The following ASTN1 variants were observed in gnomAD, a reference collection of about 807,000 sequenced individuals.
ASTN1 encodes astrotactin-1.
ASTN1 carries 41 observed loss-of-function variants against 140.7 expected under a neutral mutation model. The ratio of observed to expected loss-of-function variants is 0.29; its 90% CI spans 0.23 to 0.38. The LOEUF is 0.38. ASTN1 is among the 10% of genes least tolerant of loss of function. ASTN1 has a pLI of 1.00. For missense variants in ASTN1, 1,479 were observed against 1,678.8 expected (o/e 0.88, Z 2.08); for synonymous variants, 640 against 652.2 (o/e 0.98, Z 0.29).
At chr1:177,024,837 C>CA in intron 5 of ASTN1, 105 bp from the exon 6 acceptor site, 1 of 1,277,158 alleles carries the variant, frequency 7.8e-7, no homozygotes, top group East Asian at 2.5e-5. Context: ...AGACAGTTGG[C>CA]AAAACTAGCC....
At chr1:177,083,794 T>C (rs1571758395) in intron 1 of ASTN1, among the ~76,000 whole-genome samples, 1 of 152,108 alleles carries the variant, frequency 6.6e-6, no homozygotes, top group Admixed American at 6.5e-5. Context: ...ATCAAAATTA[T>C]AGATTAAATA....
intron 8 of ASTN1, 85 bp from the exon 9 acceptor site, chr1:176,965,322 G>GTCTACCACCTAGCACT: frequency 1.5e-6 from 2 of 1,367,012 alleles, no homozygotes; most frequent in Non-Finnish European, 2.1e-6. Flanking sequence ...AGTGCTAGGT[G>GTCTACCACCTAGCACT]GTAGACACCC....
chr1:177,043,982 G>A (rs1677094275), intron 2 of ASTN1, among the ~76,000 whole-genome samples: 1 of 151,976 alleles, frequency 6.6e-6, no homozygotes, highest in African/African-American at 2.4e-5. Flanking sequence ...CACAAAATCT[G>A]AAGAAGAGGC....
At chr1:177,142,712 A>G (rs1038611633) in intron 1 of ASTN1, among the ~76,000 whole-genome samples, 2 of 152,200 alleles carry the variant, frequency 1.3e-5, no homozygotes, top group Non-Finnish European at 2.9e-5. Context: ...AACTTCCAAA[A>G]GCATATCCTG....
At position 176,861,243 on chromosome 1, in the gene ASTN1, A is replaced by C. The variant is rs954183929; in HGVS notation, c.*3041T>G. On this transcript the variant is annotated 3_prime_UTR_variant, in exon 23 of 23. Transcript: ENST00000361833. ...CTCAGTTTTTTTAATAGAACATTTG[A>C]ATATCAAGAAGTGTAGTTAACTAAA... 3.1e-6 allele frequency: 3 copies of C among 982,582 alleles called. No individual in the cohort carries two copies. The African/African-American group carries it at 5.3e-5, about 17-fold the overall frequency. The allele number at this position is 982,582 out of a possible 1,614,324, so 60.9% of individuals were successfully genotyped here. A position where few individuals can be genotyped will look rare whatever the true frequency, so the allele number is the denominator to read the frequency against.
At chr1:176,965,413 G>T (rs546882864) in intron 8 of ASTN1, among the ~76,000 whole-genome samples, 176 bp from the exon 9 acceptor site, 1 of 152,258 alleles carries the variant, frequency 6.6e-6, no homozygotes, top group East Asian at 1.9e-4. Flanking sequence ...GGGACCTGAC[G>T]AAGAACACGA....
chr1:177,042,056 T>C (rs1400336900), intron 2 of ASTN1, among the ~76,000 whole-genome samples: 1 of 152,232 alleles, frequency 6.6e-6, no homozygotes, highest in East Asian at 1.9e-4. Context: ...TTCTCTGAAT[T>C]TGGCACATAT....
At chr1:176,978,716 C>T (rs117083859) in intron 8 of ASTN1, among the ~76,000 whole-genome samples, 120 of 152,078 alleles carry the variant, frequency 7.9e-4, no homozygotes, top group African/African-American at 2.7e-3. Flanking sequence ...GCAAGGTGTG[C>T]GGCAGGTAGC....
intron 1 of ASTN1, among the ~76,000 whole-genome samples, chr1:177,122,593 C>A (rs1373961184): frequency 6.6e-6 from 1 of 152,194 alleles, no homozygotes; most frequent in Non-Finnish European, 1.5e-5. Flanking sequence ...CAGACTCCTG[C>A]TCACAAGACT....
chr1:177,007,274 C>T (rs1346292906), intron 8 of ASTN1, among the ~76,000 whole-genome samples: 2 of 152,132 alleles, frequency 1.3e-5, no homozygotes, highest in African/African-American at 4.8e-5. Context: ...ATGCCTTAAT[C>T]TCAGCTACTC....
intron 1 of ASTN1, among the ~76,000 whole-genome samples, chr1:177,120,225 G>A (rs939326513): frequency 3.3e-5 from 5 of 152,186 alleles, no homozygotes; most frequent in African/African-American, 1.2e-4. Flanking sequence ...CAAACGCTGA[G>A]CTGCAACAAT....
chr1:177,029,591 T>A, intron 5 of ASTN1, 43 bp downstream of exon 5: 1 of 1,590,360 alleles, frequency 6.3e-7, no homozygotes, highest in Non-Finnish European at 8.6e-7. Context: ...CCTCCCTCAC[T>A]CCCAGATCCT....
chr1:176,884,030 ATTG>A (rs1179047055), intron 19 of ASTN1, among the ~76,000 whole-genome samples: 2 of 152,278 alleles, frequency 1.3e-5, no homozygotes, highest in South Asian at 2.1e-4. Flanking sequence ...AGTGTATTGT[ATTG>A]TTGTTTCTTT....
chr1:176,935,086 A>G lies in ASTN1; in HGVS notation c.2483-746T>C, dbSNP rs116112172. Among the ~76,000 whole-genome samples the G allele has an allele frequency of 7.9e-3, 1,200 of 152,322 alleles. 14 individuals are homozygous for G. Among genetic ancestry groups the G allele is most frequent in the African/African-American group, 0.027 (1,139 of 41,580 alleles). On this transcript the variant is annotated intron_variant, in intron 15 of 22. Transcript: ENST00000361833. ...TGTCTCTCTTTAAGAGAATTACTGT[A>G]TATCTGTCTGAAAGATGGCCTATGG...
At chr1:176,904,761 A>C (rs1376863185) in intron 16 of ASTN1, among the ~76,000 whole-genome samples, 1 of 152,154 alleles carries the variant, frequency 6.6e-6, no homozygotes, top group African/African-American at 2.4e-5. Context: ...AGGAGCCTGG[A>C]AAGCTCTCAG....
chr1:177,032,765 C>T lies in ASTN1; in HGVS notation c.556G>A (p.Val186Ile). 2 of 1,613,432 alleles carry T rather than the reference C, an allele frequency of 1.2e-6. No individual in the cohort carries two copies. The change falls in exon 3 of 23, where the codon GTC becomes ATC. Residue 186 changes from valine (V) to isoleucine (I), a missense_variant. By Grantham distance (29) the Val-to-Ile change is conservative. Around this residue, in one of 3 missense-constraint regions of ASTN1, gnomAD observed 729 missense variants for 860.4 expected, o/e 0.85. Coordinates refer to ENST00000361833, the MANE Select transcript of ASTN1 (RefSeq NM_004319.3). Reference sequence around the variant, plus strand: ...CTGGCACTCTTCTGGGGCTGCGGGACCCGGCGGCGTTTGCACCAGCGCCGG... The same window carrying T: ...CTGGCACTCTTCTGGGGCTGCGGGATCCGGCGGCGTTTGCACCAGCGCCGG... ...TRRRWCKRRR[V>I]PQPQKSASAE...
intron 12 of ASTN1, among the ~76,000 whole-genome samples, chr1:176,947,307 T>C (rs1243542270): frequency 1.3e-5 from 2 of 152,194 alleles, no homozygotes; most frequent in Non-Finnish European, 2.9e-5. Context: ...ATATTACTAT[T>C]TGTAGAAGTA....
intron 1 of ASTN1, among the ~76,000 whole-genome samples, chr1:177,126,662 G>A (rs1558114553): frequency 6.6e-6 from 1 of 152,212 alleles, no homozygotes; most frequent in Non-Finnish European, 1.5e-5. Flanking sequence ...TGCATACTAA[G>A]TGACTTGCTA....
At chr1:177,033,154 T>C (rs1283939438) in intron 2 of ASTN1, among the ~76,000 whole-genome samples, 1 of 151,164 alleles carries the variant, frequency 6.6e-6, no homozygotes, top group Non-Finnish European at 1.5e-5. Context: ...TGTGTGTGTG[T>C]GTGCGTGATT....
Sources: gnomAD v4.1 joint callset for allele counts (sites outside exome capture counted in the v4.1 genomes callset) on GRCh38, gnomAD v4.1.1 for gene constraint, gnomAD v4.1.1 regional missense constraint, MANE v1.5 for transcripts, NCBI Gene and HGNC (gene_info 2026-07-23, HGNC 2026-07-21) for gene names.